The following RBMS2 variants were observed in gnomAD, a reference collection of about 807,000 sequenced individuals.
RBMS2 encodes the protein RNA binding motif single stranded interacting protein 2, also known as RNA-binding motif, single-stranded-interacting protein 2.
A neutral mutation model predicts 58.4 loss-of-function variants in RBMS2; 38 were observed. The observed-to-expected ratio is 0.65, with a 90% CI of 0.50 to 0.85. The LOEUF (loss-of-function observed/expected upper bound fraction) is 0.85. RBMS2 is among the 40% of genes least tolerant of loss of function. RBMS2 has a pLI of 0.00. For synonymous variants in RBMS2, 151 were observed against 180.7 expected (o/e 0.84, Z 1.32); for missense variants, 367 against 503.7 (o/e 0.73, Z 2.60).
intron 5 of RBMS2, among the ~76,000 whole-genome samples, chr12:56,576,140 C>A (rs141011069): frequency 1.3e-5 from 2 of 152,094 alleles, no homozygotes; most frequent in Non-Finnish European, 2.9e-5. Flanking sequence ...GAGGTCAAGA[C>A]CAGCCTGGTC....
At chr12:56,552,922 CTTTTTT>C (rs57408592) in intron 1 of RBMS2, among the ~76,000 whole-genome samples, 1 of 61,980 alleles carries the variant, frequency 1.6e-5, no homozygotes, top group African/African-American at 5.9e-5. Flanking sequence ...ATTAAGAGTC[CTTTTTT>C]TTTTTTTTTT....
At chr12:56,550,787 A>G (rs932875149) in intron 1 of RBMS2, among the ~76,000 whole-genome samples, 23 of 151,652 alleles carry the variant, frequency 1.5e-4, no homozygotes, top group African/African-American at 5.3e-4. Context: ...ATTTGCAGTG[A>G]GCCGAGATTG....
At chr12:56,531,228 T>A (rs564793856) in intron 1 of RBMS2, among the ~76,000 whole-genome samples, 2 of 152,142 alleles carry the variant, frequency 1.3e-5, no homozygotes, top group South Asian at 4.1e-4. Flanking sequence ...CAGTTTATTA[T>A]CTCCCCAAAT....
At chr12:56,557,033 A>G (rs991791364) in intron 1 of RBMS2, among the ~76,000 whole-genome samples, 3 of 152,016 alleles carry the variant, frequency 2.0e-5, no homozygotes, top group Admixed American at 6.6e-5. Context: ...GCCATTGCCT[A>G]CCCTAGCCTT....
At chr12:56,539,580 A>G (rs1243078700) in intron 1 of RBMS2, 2 of 374,466 alleles carry the variant, frequency 5.3e-6, no homozygotes, top group Non-Finnish European at 5.2e-6. Flanking sequence ...CCTTTGTTCA[A>G]TTTTTGTTTT....
chr12:56,589,434 A>C lies in RBMS2; in HGVS notation c.*301A>C. The C allele has an allele frequency of 1.8e-6, 1 of 558,844 alleles. No individual in the cohort carries two copies. Among genetic ancestry groups the C allele is most frequent in the Non-Finnish European group, 2.5e-6 (1 of 392,242 alleles). The allele number at this position is 558,844 out of a possible 1,614,324, so 34.6% of individuals were successfully genotyped here. A position where few individuals can be genotyped will look rare whatever the true frequency, so the allele number is the denominator to read the frequency against. On this transcript the variant is annotated 3_prime_UTR_variant, in exon 14 of 14. Coordinates refer to ENST00000262031, the MANE Select transcript of RBMS2 (RefSeq NM_002898.4). ...AGCTTTTTGTTTTTAACTGCAACGT[A>C]CTTTTCCCCTACCTTGAAGAGACAT...
At chr12:56,569,635 C>T (rs1037955972) in intron 3 of RBMS2, among the ~76,000 whole-genome samples, 7 of 152,016 alleles carry the variant, frequency 4.6e-5, no homozygotes, top group African/African-American at 1.7e-4. Context: ...GAGCCTAGTT[C>T]CTGAAACCTC....
At chr12:56,562,949 C>T (rs1038366803) in intron 2 of RBMS2, among the ~76,000 whole-genome samples, 3 of 152,118 alleles carry the variant, frequency 2.0e-5, no homozygotes, top group Non-Finnish European at 4.4e-5. Context: ...GGTGAAACCC[C>T]GTCTCTACTA....
rs552849498 is a variant in RBMS2 at position 56,560,107 on chromosome 12, C to G, written c.67-2310C>G. On this transcript the variant is annotated intron_variant, in intron 1 of 13. Coordinates refer to ENST00000262031, the MANE Select transcript of RBMS2 (RefSeq NM_002898.4). ...ACGGGGTTTCATCATGTTGGCCAGA[C>G]TGGTCTTGAACTCCTGACCTCAAAT... 3.3e-5 allele frequency among the ~76,000 whole-genome samples: 5 copies of G among 151,950 alleles called. No homozygotes were observed. The South Asian group carries it at 1.0e-3, about 32-fold the overall frequency.
intron 1 of RBMS2, among the ~76,000 whole-genome samples, chr12:56,556,469 G>C (rs1162681649): frequency 6.7e-6 from 1 of 149,994 alleles, no homozygotes; most frequent in Admixed American, 6.7e-5. Context: ...TCTGCCTCCC[G>C]AGTTCAAGCG....
intron 1 of RBMS2, among the ~76,000 whole-genome samples, chr12:56,561,393 G>A (rs933283343): frequency 6.6e-6 from 1 of 152,152 alleles, no homozygotes; most frequent in Non-Finnish European, 1.5e-5. Flanking sequence ...CAGTGTATAA[G>A]TGTTCCCTTT....
chr12:56,538,993 A>T (rs796226723), intron 1 of RBMS2, among the ~76,000 whole-genome samples: 2 of 126,274 alleles, frequency 1.6e-5, no homozygotes, highest in East Asian at 4.6e-4. Context: ...ATTCGTTGTT[A>T]GTTATATAAA....
chr12:56,577,814 C>G (rs1194797256), intron 5 of RBMS2, among the ~76,000 whole-genome samples: 1 of 152,106 alleles, frequency 6.6e-6, no homozygotes, highest in Non-Finnish European at 1.5e-5. Context: ...TCCCAAGTAG[C>G]CGGGACCACT....
intron 9 of RBMS2, among the ~76,000 whole-genome samples, chr12:56,583,611 G>C (rs375958429): frequency 5.6e-4 from 85 of 151,672 alleles, no homozygotes; most frequent in African/African-American, 2.0e-3. Flanking sequence ...CCGAGATCGC[G>C]CCACTACACT....
chr12:56,525,483 A>G (rs749931982), intron 1 of RBMS2, among the ~76,000 whole-genome samples: 5 of 152,082 alleles, frequency 3.3e-5, no homozygotes, highest in Non-Finnish European at 7.4e-5. Flanking sequence ...CGGGTTCCCA[A>G]CGTGCTGGGA....
chr12:56,574,324 A>C (rs1257601774), intron 5 of RBMS2, among the ~76,000 whole-genome samples: 1 of 152,240 alleles, frequency 6.6e-6, no homozygotes, highest in African/African-American at 2.4e-5. Context: ...GCCTGTTGGA[A>C]TTGCACAACT....
chr12:56,522,219 G>T, intron 1 of RBMS2, 130 bp downstream of exon 1: 3 of 698,696 alleles, frequency 4.3e-6, no homozygotes, highest in Non-Finnish European at 4.7e-6. Flanking sequence ...TCCTCACCGC[G>T]CTTCTCCCTT....
intron 1 of RBMS2, among the ~76,000 whole-genome samples, chr12:56,550,714 C>T (rs1281377970): frequency 6.6e-6 from 1 of 151,476 alleles, no homozygotes; most frequent in Admixed American, 6.6e-5. Flanking sequence ...TGGTGGCACA[C>T]ATCTGTAATC....
intron 1 of RBMS2, among the ~76,000 whole-genome samples, chr12:56,557,188 G>A (rs893010500): frequency 6.6e-6 from 1 of 152,066 alleles, no homozygotes. Flanking sequence ...TCCCTTCTCC[G>A]GTAAGAATAT....
Sources: allele counts gnomAD v4.1 joint callset (sites outside exome capture counted in the v4.1 genomes callset), GRCh38; gene constraint gnomAD v4.1.1; transcripts MANE v1.5; gene names NCBI Gene and HGNC (gene_info 2026-07-23, HGNC 2026-07-21).